The following RPS6KA2 variants were observed in gnomAD, a reference collection of about 807,000 sequenced individuals.
The protein encoded by RPS6KA2 is ribosomal protein S6 kinase A2, also known as ribosomal protein S6 kinase alpha-2.
In RPS6KA2, 42 loss-of-function variants were observed where a neutral mutation model predicts 91.8. The ratio of observed to expected loss-of-function variants is 0.46; its 90% CI spans 0.36 to 0.59. RPS6KA2 has a LOEUF of 0.59. Among genes scored for constraint, RPS6KA2 ranks in the 20% least tolerant of loss-of-function variants. RPS6KA2 has a pLI of 0.00. For missense variants in RPS6KA2, 798 were observed against 978.5 expected, an observed-to-expected ratio of 0.82 and a Z score of 2.46; for synonymous variants, 414 against 393.6, an observed-to-expected ratio of 1.05 and a Z score of -0.61.
At chr6:166,539,367 C>T (rs991304841) in intron 1 of RPS6KA2, among the ~76,000 whole-genome samples, 3 of 152,196 alleles carry the variant, frequency 2.0e-5, no homozygotes, top group African/African-American at 7.2e-5. Flanking sequence ...GAAATCCATT[C>T]TGCTCTTTAA....
chr6:166,855,426 A>AGAGGAAGAAGAGGAAGAAGAAGAG (rs1780865128), intron 2 of RPS6KA2, among the ~76,000 whole-genome samples: 1 of 87,838 alleles, frequency 1.1e-5, no homozygotes, highest in Non-Finnish European at 2.3e-5. Context: ...AGGAAGAAGA[A>AGAGGAAGAAGAGGAAGAAGAAGAG]GAGGAAGAAG....
At chr6:166,772,734 G>A (rs1778510905) in intron 2 of RPS6KA2, among the ~76,000 whole-genome samples, 1 of 152,284 alleles carries the variant, frequency 6.6e-6, no homozygotes, top group African/African-American at 2.4e-5. Context: ...CCCGGCTGTC[G>A]GGACACACCT....
At chr6:166,591,662 G>A (rs901471902) in intron 1 of RPS6KA2, among the ~76,000 whole-genome samples, 8 of 152,308 alleles carry the variant, frequency 5.3e-5, no homozygotes, top group Non-Finnish European at 7.4e-5. Flanking sequence ...CTCCCAGGGC[G>A]TTGGAGAGAG....
At position 166,541,114 on chromosome 6, in the gene RPS6KA2, A is replaced by G. The variant is rs3799638; in HGVS notation, c.100-2330T>C. Among the ~76,000 whole-genome samples, 85 of 152,268 alleles carry G rather than the reference A, an allele frequency of 5.6e-4. 5 individuals carry two copies. The East Asian group carries it at 0.016, about 28-fold the overall frequency. Reference sequence around the variant, plus strand: ...CAGCCTCCCTCCCAAAATAGCTCCCATCATGCAGCTGTGTTAATGCGACGC... The same window carrying G: ...CAGCCTCCCTCCCAAAATAGCTCCCGTCATGCAGCTGTGTTAATGCGACGC... On this transcript the variant is annotated intron_variant, in intron 1 of 20. Coordinates refer to ENST00000265678, the MANE Select transcript of RPS6KA2 (RefSeq NM_021135.6).
chr6:166,444,149 T>A (rs114010256), intron 14 of RPS6KA2, among the ~76,000 whole-genome samples: 1,571 of 152,304 alleles, frequency 0.01, 26 homozygotes, highest in African/African-American at 0.036. Context: ...CCTCTCTCAA[T>A]TCTTATAAAG....
At chr6:166,839,534 A>C (rs1373670835) in intron 2 of RPS6KA2, among the ~76,000 whole-genome samples, 1 of 151,222 alleles carries the variant, frequency 6.6e-6, no homozygotes, top group Non-Finnish European at 1.5e-5. Context: ...CTGTATATTT[A>C]TCATTATTTT....
chr6:166,860,406 G>A (rs7746934), intron 1 of RPS6KA2, among the ~76,000 whole-genome samples: 117,075 of 152,172 alleles, frequency 0.77, 49,417 homozygotes, highest in Non-Finnish European at 0.93. Flanking sequence ...CAGTCAACTC[G>A]GCTCCAAATT....
intron 2 of RPS6KA2, among the ~76,000 whole-genome samples, chr6:166,846,058 T>C (rs1204669474): frequency 6.6e-6 from 1 of 151,902 alleles, no homozygotes; most frequent in Non-Finnish European, 1.5e-5. Flanking sequence ...ATGCAAAAGA[T>C]TTTTCAAGGC....
At chr6:166,516,598 A>C (rs1234518747) in intron 3 of RPS6KA2, among the ~76,000 whole-genome samples, 2 of 152,236 alleles carry the variant, frequency 1.3e-5, no homozygotes, top group Non-Finnish European at 2.9e-5. Flanking sequence ...CGGGGCTGCC[A>C]TTGAGGACCC....
chr6:166,501,454 C>T (rs949564210), intron 6 of RPS6KA2, among the ~76,000 whole-genome samples: 4 of 152,328 alleles, frequency 2.6e-5, no homozygotes, highest in South Asian at 2.1e-4. Flanking sequence ...CGAGGAGCTT[C>T]GGGCTTCAGC....
chr6:166,650,135 T>G (rs914024606), intron 2 of RPS6KA2, among the ~76,000 whole-genome samples: 6 of 148,222 alleles, frequency 4.0e-5, no homozygotes, highest in Non-Finnish European at 7.5e-5. Context: ...CTCATTTGTT[T>G]TGTTGGGAAT....
Position 166,557,744 on chromosome 6 carries a change from C to T in RPS6KA2, c.100-18960G>A, listed in dbSNP as rs1306156015. 3.9e-5 allele frequency among the ~76,000 whole-genome samples: 6 copies of T among 152,180 alleles called. No homozygotes were observed. Among genetic ancestry groups the T allele is most frequent in the Non-Finnish European group, 5.9e-5 (4 of 68,034 alleles). ...AATATCCAGAGTTCAAAATGAAACTCGAAATCCTTCTAGTCTCTATATACA... is the reference window on the plus strand; with the variant it reads ...AATATCCAGAGTTCAAAATGAAACTTGAAATCCTTCTAGTCTCTATATACA... On this transcript the variant is annotated intron_variant, in intron 1 of 20. Transcript: ENST00000265678. This position sits in a 1 kb window ranked among gnomAD's most constrained non-coding sequence, Gnocchi z 4.8.
chr6:166,584,541 C>G (rs1006329446), intron 1 of RPS6KA2, among the ~76,000 whole-genome samples: 6 of 152,156 alleles, frequency 3.9e-5, no homozygotes, highest in African/African-American at 1.4e-4. Flanking sequence ...TCTATTAGGC[C>G]AGTTATGTCA....
intron 2 of RPS6KA2, among the ~76,000 whole-genome samples, chr6:166,842,204 C>T (rs1235968003): frequency 2.0e-5 from 3 of 152,176 alleles, no homozygotes; most frequent in Admixed American, 1.3e-4. Flanking sequence ...TGCTAGGGGT[C>T]GAATTATGCT....
At chr6:166,655,524 C>T (rs1195267418) in intron 2 of RPS6KA2, among the ~76,000 whole-genome samples, 2 of 152,210 alleles carry the variant, frequency 1.3e-5, no homozygotes, top group South Asian at 4.1e-4. Flanking sequence ...TCTGCCACAG[C>T]CTGGGCTGGA....
intron 1 of RPS6KA2, among the ~76,000 whole-genome samples, chr6:166,616,925 A>G (rs1292468079): frequency 6.6e-6 from 1 of 152,204 alleles, no homozygotes; most frequent in Non-Finnish European, 1.5e-5. Flanking sequence ...CAAGGCCCCT[A>G]ACACCCAAGA....
At chr6:166,731,017 C>A (rs957584547) in intron 2 of RPS6KA2, among the ~76,000 whole-genome samples, 1 of 152,154 alleles carries the variant, frequency 6.6e-6, no homozygotes, top group Admixed American at 6.5e-5. Flanking sequence ...CCGAGGCGGG[C>A]GGATCACCTG....
chr6:166,569,222 A>G (rs567979793), intron 1 of RPS6KA2, among the ~76,000 whole-genome samples: 223 of 152,300 alleles, frequency 1.5e-3, no homozygotes, highest in African/African-American at 5.2e-3. Context: ...GAGACCCCGC[A>G]GGGGCCTTGA....
intron 2 of RPS6KA2, among the ~76,000 whole-genome samples, chr6:166,816,562 A>C (rs1414735568): frequency 6.6e-6 from 1 of 151,988 alleles, no homozygotes; most frequent in African/African-American, 2.4e-5. Context: ...CTCAAAAAAA[A>C]AAAAAAAAGA....
Sources: allele counts gnomAD v4.1 joint callset (sites outside exome capture counted in the v4.1 genomes callset), GRCh38; gene constraint gnomAD v4.1.1; non-coding constraint Gnocchi (gnomAD v3.1); transcripts MANE v1.5; gene names NCBI Gene and HGNC (gene_info 2026-07-23, HGNC 2026-07-21).